Variants in DISP1 observed in about 807,000 individuals in gnomAD.
DISP1 encodes the protein protein dispatched homolog 1.
DISP1 carries 30 observed loss-of-function variants against 37.3 expected under a neutral mutation model. That is an observed-to-expected ratio of 0.80 (90% CI 0.60 to 1.09). The LOEUF (loss-of-function observed/expected upper bound fraction) is 1.09. Ranked by LOEUF, DISP1 falls within the 50% of genes least tolerant of loss-of-function variation. The pLI, the probability that DISP1 is intolerant of heterozygous loss-of-function variation, is 0.00. For missense variants in DISP1, 1,598 were observed against 1,879.5 expected, an observed-to-expected ratio of 0.85 and a Z score of 2.77; for synonymous variants, 634 against 690.2, an observed-to-expected ratio of 0.92 and a Z score of 1.28.
intron 1 of DISP1, among the ~76,000 whole-genome samples, chr1:222,901,151 G>A (rs1671558351): frequency 6.6e-6 from 1 of 152,148 alleles, no homozygotes; most frequent in Admixed American, 6.5e-5. Context: ...AGCTCTGATG[G>A]TGATAAGTTG....
At chr1:222,891,775 A>G (rs1670957464) in intron 1 of DISP1, among the ~76,000 whole-genome samples, 1 of 152,118 alleles carries the variant, frequency 6.6e-6, no homozygotes, top group African/African-American at 2.4e-5. Context: ...TGAGTACAAC[A>G]GGTTATAGAA....
chr1:222,847,484 A>T (rs1232479675), intron 1 of DISP1, among the ~76,000 whole-genome samples: 1 of 152,230 alleles, frequency 6.6e-6, no homozygotes, highest in Admixed American at 6.5e-5. Flanking sequence ...ATGTGCATAT[A>T]CACACAGGAA....
intron 1 of DISP1, among the ~76,000 whole-genome samples, chr1:222,916,841 T>C (rs1672517791): frequency 6.6e-6 from 1 of 152,184 alleles, no homozygotes; most frequent in Non-Finnish European, 1.5e-5. Context: ...AGAATTTTAT[T>C]GTTTCAGGCT....
chr1:222,960,504 C>T (rs1324389525), intron 3 of DISP1, among the ~76,000 whole-genome samples: 2 of 151,986 alleles, frequency 1.3e-5, no homozygotes, highest in African/African-American at 2.4e-5. Context: ...ACTAAATGCC[C>T]ACATCAGAAA....
At chr1:222,843,332 T>A (rs1215064992) in intron 1 of DISP1, among the ~76,000 whole-genome samples, 1 of 152,110 alleles carries the variant, frequency 6.6e-6, no homozygotes, top group Non-Finnish European at 1.5e-5. Context: ...ATATATGTAC[T>A]TCTGAAATAA....
At chr1:222,845,284 C>A (rs894550981) in intron 1 of DISP1, among the ~76,000 whole-genome samples, 1 of 152,192 alleles carries the variant, frequency 6.6e-6, no homozygotes, top group South Asian at 2.1e-4. Flanking sequence ...AAAATCGATT[C>A]TTCATCCGTT....
At chr1:222,887,594 G>C (rs1350101808) in intron 1 of DISP1, among the ~76,000 whole-genome samples, 1 of 114,492 alleles carries the variant, frequency 8.7e-6, no homozygotes, top group African/African-American at 3.1e-5. Context: ...CGCTTCCTGG[G>C]TTCACGCCAT....
At chr1:222,923,085 A>G (rs1180497224) in intron 1 of DISP1, among the ~76,000 whole-genome samples, 1 of 152,162 alleles carries the variant, frequency 6.6e-6, no homozygotes, top group Non-Finnish European at 1.5e-5. Flanking sequence ...AAAGATAGGT[A>G]AGTAGCCTGA....
At chr1:222,833,374 C>A (rs1182462061) in intron 1 of DISP1, among the ~76,000 whole-genome samples, 1 of 152,166 alleles carries the variant, frequency 6.6e-6, no homozygotes, top group African/African-American at 2.4e-5. Flanking sequence ...GGGTTCTGAT[C>A]AATGGTATTT....
chr1:222,833,093 A>G (rs1313709839), intron 1 of DISP1, among the ~76,000 whole-genome samples: 1 of 152,044 alleles, frequency 6.6e-6, no homozygotes, highest in African/African-American at 2.4e-5. Flanking sequence ...AACACAAGGT[A>G]GATGTTTATT....
chr1:222,889,551 C>A (rs1041145134), intron 1 of DISP1, among the ~76,000 whole-genome samples: 3 of 150,684 alleles, frequency 2.0e-5, no homozygotes, highest in Non-Finnish European at 4.4e-5. Flanking sequence ...TCATTTTCCC[C>A]ATGCAACTAT....
intron 3 of DISP1, among the ~76,000 whole-genome samples, chr1:222,955,606 A>G (rs964072964): frequency 1.3e-5 from 2 of 152,204 alleles, no homozygotes; most frequent in Non-Finnish European, 2.9e-5. Flanking sequence ...ACCGTATTTA[A>G]TAAATTACAT....
intron 3 of DISP1, among the ~76,000 whole-genome samples, chr1:222,948,834 G>A (rs1486552466): frequency 6.6e-6 from 1 of 152,090 alleles, no homozygotes; most frequent in Admixed American, 6.6e-5. Flanking sequence ...TACCACAAAT[G>A]GGCCCACCTG....
At position 222,850,796 on chromosome 1, in the gene DISP1, TA is replaced by T. The variant is rs553994601; in HGVS notation, c.-159+35721del. ...CTCATTCTTTTTTATGGCTGCATAA[TA>T]AATGTAGTACATTTACTGTGTACCA... On this transcript the variant is annotated intron_variant, in intron 1 of 8. Transcript: ENST00000675850. 1.2e-4 allele frequency among the ~76,000 whole-genome samples: 19 copies of T among 152,348 alleles called. No homozygotes were observed. The South Asian group carries it at 3.9e-3, about 32-fold the overall frequency.
intron 3 of DISP1, among the ~76,000 whole-genome samples, chr1:222,976,138 G>T (rs1677310102): frequency 6.6e-6 from 1 of 152,170 alleles, no homozygotes; most frequent in Admixed American, 6.5e-5. Context: ...GCTGGAAAAA[G>T]ATAGTTTCTC....
intron 3 of DISP1, 119 bp from the exon 4 acceptor site, chr1:222,982,961 G>A: frequency 1.3e-6 from 1 of 752,536 alleles, no homozygotes; most frequent in South Asian, 1.8e-5. Flanking sequence ...ACACTTCCAA[G>A]ATTCTTTGTA....
At position 223,003,481 on chromosome 1, in the gene DISP1, T is replaced by G. The variant is rs1365438703; in HGVS notation, c.2084T>G (p.Leu695Arg). 1 of 1,614,172 alleles carries G rather than the reference T, an allele frequency of 6.2e-7. No homozygotes were observed. The highest frequency in any genetic ancestry group is 1.7e-5 in the Admixed American group (1 of 60,024). The change falls in exon 9 of 9, where the codon CTC becomes CGC. Residue 695 changes from leucine to arginine, a missense_variant. By Grantham distance (102) the Leu-to-Arg change is moderately radical. Transcript: ENST00000675850. This position sits in a 1 kb window ranked among gnomAD's most constrained non-coding sequence, Gnocchi z 4.3. ...TVACQKCHKV[L>R]FAISEASRIF... ...GCTTGCCAGAAGTGCCACAAAGTAC[T>G]CTTTGCCATTTCAGAAGCATCTCGA...
chr1:222,877,298 G>A (rs1558307311), intron 1 of DISP1, among the ~76,000 whole-genome samples: 1 of 152,172 alleles, frequency 6.6e-6, no homozygotes, highest in Non-Finnish European at 1.5e-5. Context: ...CATGGCTGGG[G>A]AGGCTTACAA....
intron 8 of DISP1, among the ~76,000 whole-genome samples, chr1:222,997,560 A>G (rs1052818707): frequency 6.6e-6 from 1 of 152,216 alleles, no homozygotes; most frequent in Non-Finnish European, 1.5e-5. Flanking sequence ...AAGCATTTCT[A>G]TAAGAGATCA....
Sources: gnomAD v4.1 joint callset for allele counts (sites outside exome capture counted in the v4.1 genomes callset) on GRCh38, gnomAD v4.1.1 for gene constraint, Gnocchi (gnomAD v3.1) non-coding constraint, MANE v1.5 for transcripts, NCBI Gene and HGNC (gene_info 2026-07-23, HGNC 2026-07-21) for gene names.